Variants in NOS1AP observed in about 807,000 individuals in gnomAD.
NOS1AP encodes nitric oxide synthase 1 adaptor protein.
Under a neutral mutation model 56.2 loss-of-function variants are expected in NOS1AP, and 21 were observed. That is an observed-to-expected ratio of 0.37 (90% CI 0.26 to 0.54). The LOEUF (loss-of-function observed/expected upper bound fraction) is 0.54, where lower values mean the gene tolerates loss of function less well. Ranked by LOEUF, NOS1AP falls within the 20% of genes least tolerant of loss-of-function variation. The pLI is 0.84. For synonymous variants in NOS1AP, 270 were observed against 274.6 expected (o/e 0.98, Z 0.17); for missense variants, 522 against 657.8 (o/e 0.79, Z 2.26).
intron 2 of NOS1AP, among the ~76,000 whole-genome samples, chr1:162,193,394 A>G (rs1651703435): frequency 6.6e-6 from 1 of 152,302 alleles, no homozygotes; most frequent in South Asian, 2.1e-4. Context: ...ATAAAGGGAT[A>G]GACCCAGGGA....
At chr1:162,189,151 G>C (rs1651538163) in intron 2 of NOS1AP, among the ~76,000 whole-genome samples, 1 of 152,174 alleles carries the variant, frequency 6.6e-6, no homozygotes, top group Non-Finnish European at 1.5e-5. Flanking sequence ...TGTTATGATA[G>C]TTGTATCATG....
At chr1:162,261,997 G>A (rs1396399040) in intron 2 of NOS1AP, among the ~76,000 whole-genome samples, 1 of 152,208 alleles carries the variant, frequency 6.6e-6, no homozygotes, top group African/African-American at 2.4e-5. Context: ...ATGAATGCAT[G>A]TCTGTGTTTT....
At chr1:162,173,854 A>G (rs1268045935) in intron 2 of NOS1AP, among the ~76,000 whole-genome samples, 1 of 152,218 alleles carries the variant, frequency 6.6e-6, no homozygotes, top group African/African-American at 2.4e-5. Flanking sequence ...CAAAACCACA[A>G]TGAGATACCA....
chr1:162,338,532 T>G (rs1272361048), intron 5 of NOS1AP: 1 of 152,184 alleles, frequency 6.6e-6, no homozygotes, highest in African/African-American at 2.4e-5. Context: ...CTATAGAATA[T>G]GACTAATAAG....
chr1:162,365,359 T>A, intron 8 of NOS1AP, 45 bp from the exon 9 acceptor site: 1 of 1,613,230 alleles, frequency 6.2e-7, no homozygotes, highest in Non-Finnish European at 8.5e-7. Context: ...CATGTCCCTC[T>A]CTTCTCTCTG....
chr1:162,077,119 G>A (rs890400165), intron 1 of NOS1AP, among the ~76,000 whole-genome samples: 4 of 152,084 alleles, frequency 2.6e-5, no homozygotes, highest in African/African-American at 9.7e-5. Context: ...AAAGTAAAAT[G>A]GCTGGGTCCC....
chr1:162,092,575 G>C (rs1313910851), intron 1 of NOS1AP, among the ~76,000 whole-genome samples: 4 of 152,012 alleles, frequency 2.6e-5, no homozygotes, highest in Admixed American at 1.3e-4. Flanking sequence ...CTCTCTCAGT[G>C]GTCTTTTTGT....
intron 1 of NOS1AP, among the ~76,000 whole-genome samples, chr1:162,086,058 G>A (rs1263903699): frequency 6.6e-6 from 1 of 152,138 alleles, no homozygotes; most frequent in Non-Finnish European, 1.5e-5. Context: ...ATGCAGCCCT[G>A]TTCCACTGAG....
chr1:162,131,192 G>C (rs952857155), intron 1 of NOS1AP, among the ~76,000 whole-genome samples: 1 of 152,008 alleles, frequency 6.6e-6, no homozygotes, highest in East Asian at 1.9e-4. Context: ...GCTAGGTTTC[G>C]AGTTTCAAGG....
intron 6 of NOS1AP, among the ~76,000 whole-genome samples, chr1:162,354,530 G>A (rs1657629396): frequency 6.6e-6 from 1 of 152,154 alleles, no homozygotes; most frequent in African/African-American, 2.4e-5. Context: ...AATTAGATAA[G>A]GAAGCATGGA....
At chr1:162,183,762 A>G (rs116381680) in intron 2 of NOS1AP, among the ~76,000 whole-genome samples, 2,225 of 152,352 alleles carry the variant, frequency 0.015, 34 homozygotes, top group Non-Finnish European at 0.02. Flanking sequence ...AGAATTGAAG[A>G]GTTAGAGCCT....
intron 2 of NOS1AP, among the ~76,000 whole-genome samples, chr1:162,222,392 A>G (rs1362852105): frequency 6.6e-6 from 1 of 152,212 alleles, no homozygotes; most frequent in African/African-American, 2.4e-5. Context: ...GACTGATGTT[A>G]ATGAAAGAGC....
chr1:162,363,395 A>G (rs373565160), intron 8 of NOS1AP: 1 of 152,606 alleles, frequency 6.6e-6, no homozygotes, highest in African/African-American at 2.4e-5. Context: ...TGCCCTCCCA[A>G]CGTGCACCAC....
intron 1 of NOS1AP, among the ~76,000 whole-genome samples, chr1:162,111,442 G>C (rs1198964599): frequency 2.6e-5 from 4 of 152,192 alleles, no homozygotes; most frequent in Non-Finnish European, 5.9e-5. Flanking sequence ...GTGGAGGAGA[G>C]CTTGTTGACT....
chr1:162,180,606 A>G (rs754972971), intron 2 of NOS1AP, among the ~76,000 whole-genome samples: 3 of 152,128 alleles, frequency 2.0e-5, no homozygotes, highest in Non-Finnish European at 4.4e-5. Context: ...TGCATGTGAG[A>G]GGCACATGTG....
At chr1:162,105,478 G>A (rs377673324) in intron 1 of NOS1AP, among the ~76,000 whole-genome samples, 2 of 152,206 alleles carry the variant, frequency 1.3e-5, no homozygotes, top group South Asian at 4.1e-4. Context: ...CAGATCATTT[G>A]TATACTACAA....
intron 2 of NOS1AP, among the ~76,000 whole-genome samples, chr1:162,169,867 A>G (rs550592791): frequency 2.6e-5 from 4 of 152,252 alleles, no homozygotes; most frequent in African/African-American, 9.6e-5. Flanking sequence ...CTCTGGCCAC[A>G]CCGAATTTCT....
At chr1:162,161,503 A>G (rs1650214726) in intron 2 of NOS1AP, among the ~76,000 whole-genome samples, 1 of 152,236 alleles carries the variant, frequency 6.6e-6, no homozygotes, top group East Asian at 1.9e-4. Context: ...CTCTTGGCAC[A>G]TGTATTTTAC....
At chr1:162,146,555 A>G (rs1284884698) in intron 1 of NOS1AP, among the ~76,000 whole-genome samples, 1 of 152,162 alleles carries the variant, frequency 6.6e-6, no homozygotes, top group African/African-American at 2.4e-5. Context: ...AGCTCCAGCC[A>G]GCCTGCACTG....
Sources: allele counts gnomAD v4.1 joint callset (sites outside exome capture counted in the v4.1 genomes callset), GRCh38; gene constraint gnomAD v4.1.1; transcripts MANE v1.5; gene names NCBI Gene and HGNC (gene_info 2026-07-23, HGNC 2026-07-21).